The following SLC13A3 variants were observed in gnomAD, a reference collection of about 807,000 sequenced individuals.
SLC13A3 encodes solute carrier family 13 member 3.
A neutral mutation model predicts 59.0 loss-of-function variants in SLC13A3; 40 were observed. That is an observed-to-expected ratio of 0.68 (90% CI 0.53 to 0.88). The LOEUF (loss-of-function observed/expected upper bound fraction) is 0.88. Ranked by LOEUF, SLC13A3 falls within the 40% of genes least tolerant of loss-of-function variation. The pLI is 0.00. For synonymous variants in SLC13A3, 317 were observed against 330.3 expected (o/e 0.96, Z 0.44); for missense variants, 699 against 783.2 (o/e 0.89, Z 1.28).
chr20:46,618,499 A>G (rs879377169), intron 1 of SLC13A3, among the ~76,000 whole-genome samples: 15 of 152,210 alleles, frequency 9.9e-5, no homozygotes, highest in Admixed American at 3.9e-4. Flanking sequence ...TGTAGTGGTA[A>G]TAAGAGGCAG....
Position 46,651,314 on chromosome 20 carries a change from G to A in SLC13A3, c.108C>T (p.Pro36=). ...GCACAGGCGGAGGAGGCGTTACCTT[G>A]GGCGGGAGGGCGAAGACCACCGGCA... is the stretch of plus-strand genomic sequence containing the variant. ...ALLPVVFALP[P]KEGRCLFVIL... The change falls in exon 1 of 13, where the codon CCC becomes CCT. Residue 36 remains proline (P), a synonymous_variant. Transcript: ENST00000279027. 6.6e-7 allele frequency: 1 copy of A among 1,506,968 alleles called. No individual in the cohort carries two copies. The highest frequency in any genetic ancestry group is 8.9e-7 in the Non-Finnish European group (1 of 1,129,626). 93.3% of individuals were successfully genotyped at this position (1,506,968 alleles called of 1,614,324 possible). A position where few individuals can be genotyped will look rare whatever the true frequency, so the allele number is the denominator to read the frequency against.
intron 1 of SLC13A3, among the ~76,000 whole-genome samples, chr20:46,617,115 G>A (rs2062563972): frequency 6.6e-6 from 1 of 152,226 alleles, no homozygotes; most frequent in African/African-American, 2.4e-5. Context: ...CCAGTGCCAA[G>A]AACAGTTCCT....
rs747253747 is a variant in SLC13A3 at position 46,600,045 on chromosome 20, G to A, written c.542-8C>T. On this transcript the variant is annotated splice_polypyrimidine_tract_variant and splice_region_variant and intron_variant, in intron 3 of 12. Coordinates refer to ENST00000279027, the MANE Select transcript of SLC13A3 (RefSeq NM_022829.6). ...CGTTTCTCCGCACAGCAGCTAGGAG[G>A]AAAGAGCATGATGTCTTTAATGTAA... 1 of 1,555,982 alleles carries A rather than the reference G, an allele frequency of 6.4e-7. No individual in the cohort carries two copies. Among genetic ancestry groups the A allele is most frequent in the Admixed American group, 1.7e-5 (1 of 58,028 alleles).
chr20:46,630,492 C>T (rs762915860), intron 1 of SLC13A3, among the ~76,000 whole-genome samples: 1 of 152,216 alleles, frequency 6.6e-6, no homozygotes, highest in Non-Finnish European at 1.5e-5. Context: ...CTCTTGATTT[C>T]CTTCTGCAGT....
rs1391057282 is a variant in SLC13A3, at chr20:46,632,014, T to TG, written c.112-18290dup. 4.6e-5 allele frequency among the ~76,000 whole-genome samples: 7 copies of TG among 152,244 alleles called. No individual in the cohort carries two copies. The East Asian group carries it at 1.4e-3, about 29-fold the overall frequency. ...CCTTCCCCCTGCCCCAGCTCCCTGC[T>TG]GGGCTGCAGCTGGCATTTTTGTCAG... On this transcript the variant is annotated intron_variant, in intron 1 of 12. Coordinates refer to ENST00000279027, the MANE Select transcript of SLC13A3 (RefSeq NM_022829.6).
intron 1 of SLC13A3, among the ~76,000 whole-genome samples, chr20:46,631,349 C>T (rs954308144): frequency 1.3e-5 from 2 of 152,186 alleles, no homozygotes; most frequent in Non-Finnish European, 2.9e-5. Context: ...ACTTTTAGTA[C>T]ATACAATGGA....
At chr20:46,666,289 G>A (rs2063062047) in intron 1 of SLC13A3, among the ~76,000 whole-genome samples, 1 of 152,222 alleles carries the variant, frequency 6.6e-6, no homozygotes, top group Non-Finnish European at 1.5e-5. Flanking sequence ...TTGGGTGTCA[G>A]TATCCCTTTA....
At position 46,558,697 on chromosome 20, in the gene SLC13A3, C is replaced by A. The variant is rs995377804; in HGVS notation, c.*1325G>T. The A allele has an allele frequency of 4.6e-5, 7 of 152,188 alleles. No homozygotes were observed. Among genetic ancestry groups the A allele is most frequent in the Admixed American group, 2.6e-4 (4 of 15,282 alleles). The allele number at this position is 152,188 out of a possible 1,614,324, so 9.4% of individuals were successfully genotyped here. ...TGATTCACTTATGCTGTATCAACAA[C>A]AAGTGCAGCTGGGCGCTGCCTTCCC... On this transcript the variant is annotated 3_prime_UTR_variant, in exon 13 of 13. Coordinates refer to ENST00000279027, the MANE Select transcript of SLC13A3 (RefSeq NM_022829.6).
At chr20:46,632,352 G>A (rs1278520484) in intron 1 of SLC13A3, among the ~76,000 whole-genome samples, 2 of 152,152 alleles carry the variant, frequency 1.3e-5, no homozygotes, top group African/African-American at 4.8e-5. Flanking sequence ...ACTCAGGACT[G>A]GTGTCGCTTC....
intron 1 of SLC13A3, among the ~76,000 whole-genome samples, chr20:46,633,091 T>G (rs1238929683): frequency 6.6e-6 from 1 of 152,166 alleles, no homozygotes; most frequent in African/African-American, 2.4e-5. Context: ...GTTAGAAGGT[T>G]CATCCCAATG....
At chr20:46,599,230 C>T (rs184672811) in intron 4 of SLC13A3, among the ~76,000 whole-genome samples, 3 of 152,250 alleles carry the variant, frequency 2.0e-5, no homozygotes, top group Non-Finnish European at 4.4e-5. Flanking sequence ...CCTGGCTCAT[C>T]GTAAGCTCCC....
upstream of SLC13A3, among the ~76,000 whole-genome samples, chr20:46,654,073 A>C (rs914035714): frequency 1.3e-5 from 2 of 152,146 alleles, no homozygotes; most frequent in Non-Finnish European, 2.9e-5. Flanking sequence ...ACGATGTGCA[A>C]GGGTTCCAGT....
chr20:46,576,393 G>A, intron 9 of SLC13A3, among the ~76,000 whole-genome samples: 1 of 152,178 alleles, frequency 6.6e-6, no homozygotes, highest in East Asian at 1.9e-4. Context: ...TAGGCTTGGA[G>A]ACAGACCTTC....
chr20:46,610,701 A>G (rs1279668107), intron 2 of SLC13A3, 92 bp from the exon 3 acceptor site: 2 of 1,088,876 alleles, frequency 1.8e-6, no homozygotes, highest in Non-Finnish European at 2.6e-6. Flanking sequence ...AATACAATCC[A>G]TCCATTTTAC....
chr20:46,599,856 G>C (rs898186905), intron 4 of SLC13A3, 115 bp downstream of exon 4: 2 of 665,298 alleles, frequency 3.0e-6, no homozygotes, highest in Non-Finnish European at 5.0e-6. Context: ...CAGGCATTAG[G>C]TCATTTGGAG....
chr20:46,616,331 GA>G (rs1412486359), intron 1 of SLC13A3, among the ~76,000 whole-genome samples: 1 of 152,182 alleles, frequency 6.6e-6, no homozygotes, highest in Non-Finnish European at 1.5e-5. Context: ...GGAGAAGTGA[GA>G]AAAAGAGCTG....
rs1367756141 is a variant in SLC13A3, at chr20:46,566,154, G to A, written c.1494+75C>T. 3.1e-6 allele frequency: 4 copies of A among 1,279,502 alleles called. No individual in the cohort carries two copies. The Admixed American group carries it at 6.9e-5, about 22-fold the overall frequency. The allele number at this position is 1,279,502 out of a possible 1,614,324, so 79.3% of individuals were successfully genotyped here. On this transcript the variant is annotated intron_variant, in intron 11 of 12. Transcript: ENST00000279027. ...ATGGCAACTGTGGCCCCCAGTGAAG[G>A]TCCCTTGGCGGGGGAAGATTTCTGA...
chr20:46,609,700 T>A (rs1340152982), intron 3 of SLC13A3, among the ~76,000 whole-genome samples: 5 of 152,324 alleles, frequency 3.3e-5, no homozygotes, highest in African/African-American at 1.2e-4. Flanking sequence ...AAGTACATGG[T>A]TCACTAATTC....
intron 5 of SLC13A3, 41 bp from the exon 6 acceptor site, chr20:46,592,570 A>G (rs2062270945): frequency 6.2e-7 from 1 of 1,610,142 alleles, no homozygotes; most frequent in Non-Finnish European, 8.5e-7. Context: ...AAGGGCAGCC[A>G]TGCCCATTTT....
Sources: gnomAD v4.1 joint callset for allele counts (sites outside exome capture counted in the v4.1 genomes callset) on GRCh38, gnomAD v4.1.1 for gene constraint, MANE v1.5 for transcripts, NCBI Gene and HGNC (gene_info 2026-07-23, HGNC 2026-07-21) for gene names.